The following ORC2 variants were observed in gnomAD, a reference collection of about 807,000 sequenced individuals.
The protein encoded by ORC2 is origin recognition complex protein 2 homolog.
ORC2 carries 37 observed loss-of-function variants against 77.7 expected under a neutral mutation model. The observed-to-expected ratio is 0.48, with a 90% CI of 0.37 to 0.63. The LOEUF (loss-of-function observed/expected upper bound fraction) is 0.63. Ranked by LOEUF, ORC2 falls within the 20% of genes least tolerant of loss-of-function variation. ORC2 has a pLI of 0.00. For synonymous variants in ORC2, 201 were observed against 229.5 expected (o/e 0.88, Z 1.12); for missense variants, 557 against 661.9 (o/e 0.84, Z 1.74).
chr2:200,957,548 TAAG>T lies in ORC2; in HGVS notation c.95-7_95-5del. The T allele has an allele frequency of 6.3e-7, 1 of 1,582,818 alleles. No homozygotes were observed. Among genetic ancestry groups the T allele is most frequent in the East Asian group, 2.3e-5 (1 of 43,764 alleles). ...CGCTCCTTCTTCAATTTAGCTCCTATAAGAACATCCAAAGAAATAGAGCATGAC... is the reference window on the plus strand; with the variant it reads ...CGCTCCTTCTTCAATTTAGCTCCTATAACATCCAAAGAAATAGAGCATGAC... On this transcript the variant is annotated splice_polypyrimidine_tract_variant and splice_region_variant and intron_variant, in intron 3 of 17. Coordinates refer to ENST00000234296, the MANE Select transcript of ORC2 (RefSeq NM_006190.5).
At chr2:200,932,468 T>C (rs1234199975) in intron 10 of ORC2, among the ~76,000 whole-genome samples, 1 of 151,324 alleles carries the variant, frequency 6.6e-6, no homozygotes, top group Non-Finnish European at 1.5e-5. Flanking sequence ...GCCTCCTGAG[T>C]AGCTGGGAGT....
chr2:200,955,898 T>A (rs1191321640), intron 4 of ORC2, among the ~76,000 whole-genome samples: 1 of 152,234 alleles, frequency 6.6e-6, no homozygotes, highest in Non-Finnish European at 1.5e-5. Context: ...AGAATAATCT[T>A]GCAGGAATCT....
intron 4 of ORC2, among the ~76,000 whole-genome samples, chr2:200,951,312 G>C (rs1030715276): frequency 6.6e-6 from 1 of 152,218 alleles, no homozygotes; most frequent in African/African-American, 2.4e-5. Context: ...CATTGTGAAT[G>C]AAATTGCTAT....
intron 4 of ORC2, among the ~76,000 whole-genome samples, chr2:200,952,933 G>A (rs1198837095): frequency 6.6e-6 from 1 of 151,592 alleles, no homozygotes; most frequent in Non-Finnish European, 1.5e-5. Flanking sequence ...TCAACATGGT[G>A]AGACTCCACC....
chr2:200,946,959 G>C lies in ORC2; in HGVS notation c.328+2595C>G, dbSNP rs572964208. 9.2e-5 allele frequency among the ~76,000 whole-genome samples: 14 copies of C among 152,196 alleles called. No individual in the cohort carries two copies. In the South Asian group the frequency reaches 2.9e-3, roughly 32 times the overall value. On this transcript the variant is annotated intron_variant, in intron 5 of 17. Coordinates refer to ENST00000234296, the MANE Select transcript of ORC2 (RefSeq NM_006190.5). ...TTTCTGTCACCCAGGCTGGAGTGCA[G>C]TGGTGCAATCTTGGCTCACTGCAAC...
intron 5 of ORC2, among the ~76,000 whole-genome samples, chr2:200,944,468 C>T (rs751534343): frequency 5.3e-5 from 8 of 152,222 alleles, no homozygotes; most frequent in East Asian, 1.9e-4. Context: ...CCACCGCGCC[C>T]GGCTAAGATA....
At chr2:200,957,099 C>T (rs1401151662) in intron 4 of ORC2, among the ~76,000 whole-genome samples, 1 of 152,128 alleles carries the variant, frequency 6.6e-6, no homozygotes, top group Admixed American at 6.6e-5. Context: ...GTGCAGCAAA[C>T]CACCATGGCA....
chr2:200,955,556 G>A (rs1411410179), intron 4 of ORC2, among the ~76,000 whole-genome samples: 4 of 152,096 alleles, frequency 2.6e-5, no homozygotes, highest in Non-Finnish European at 5.9e-5. Context: ...ATCTAGAATG[G>A]GAGAACTGAA....
intron 7 of ORC2, among the ~76,000 whole-genome samples, chr2:200,940,051 A>T (rs575689973): frequency 1.6e-4 from 24 of 152,096 alleles, no homozygotes; most frequent in Non-Finnish European, 3.5e-4. Context: ...GACAAAAGTT[A>T]CTCCATCTTG....
Position 200,933,981 on chromosome 2 carries a change from G to C in ORC2, c.709-7C>G. ...ATTCTTCTACTAAGTCACTCTGAAA[G>C]TGAACAGAGTAGTCAGTCCTTAGTA... On this transcript the variant is annotated splice_region_variant and splice_polypyrimidine_tract_variant and intron_variant, in intron 9 of 17. Coordinates refer to ENST00000234296, the MANE Select transcript of ORC2 (RefSeq NM_006190.5). 5 of 1,495,506 alleles carry C rather than the reference G, an allele frequency of 3.3e-6. No individual in the cohort carries two copies. Among genetic ancestry groups the C allele is most frequent in the Non-Finnish European group, 4.6e-6 (5 of 1,076,340 alleles). 92.6% of individuals were successfully genotyped at this position (1,495,506 alleles called of 1,614,324 possible). A position where few individuals can be genotyped will look rare whatever the true frequency, so the allele number is the denominator to read the frequency against.
At chr2:200,911,480 C>T in intron 17 of ORC2, 93 bp from the exon 18 acceptor site, 1 of 658,542 alleles carries the variant, frequency 1.5e-6, no homozygotes, top group Non-Finnish European at 2.6e-6. Context: ...GAATTTATTT[C>T]TTGGATGTAA....
Position 200,931,354 on chromosome 2 carries a change from C to T in ORC2, c.902G>A (p.Trp301Ter). Residue 301 changes from tryptophan (W) to a stop codon, truncating the protein, a stop_gained, in exon 11 of 18, where the codon TGG becomes TAG. Coordinates refer to ENST00000234296, the MANE Select transcript of ORC2 (RefSeq NM_006190.5). LOFTEE classifies it high-confidence loss of function. ...NQQYEKLFHK[W>*]MLQLHLGFNI... is the part of the protein sequence containing the mutation. ...TAATACTTACTGTAATTGCAGCATC[C>T]ATTTATGAAATAATTTTTCATACTG... is the stretch of plus-strand genomic sequence containing the variant. 2.1e-6 allele frequency: 3 copies of T among 1,405,262 alleles called. No individual in the cohort carries two copies. The highest frequency in any genetic ancestry group is 1.3e-5 in the South Asian group (1 of 75,742). The allele number at this position is 1,405,262 out of a possible 1,614,324, so 87.0% of individuals were successfully genotyped here. A position where few individuals can be genotyped will look rare whatever the true frequency, so the allele number is the denominator to read the frequency against.
intron 5 of ORC2, among the ~76,000 whole-genome samples, chr2:200,945,986 ACTC>A (rs767549228): frequency 6.6e-6 from 1 of 151,180 alleles, no homozygotes; most frequent in Non-Finnish European, 1.5e-5. Flanking sequence ...GCCTGACTGA[ACTC>A]CTCACTTTCT....
intron 4 of ORC2, among the ~76,000 whole-genome samples, chr2:200,954,390 T>C (rs1447621292): frequency 6.6e-6 from 1 of 152,168 alleles, no homozygotes. Context: ...CTGTATAAAC[T>C]TTAGGAGGAT....
chr2:200,949,328 A>G (rs1014135098), intron 5 of ORC2, among the ~76,000 whole-genome samples: 1 of 152,168 alleles, frequency 6.6e-6, no homozygotes, highest in African/African-American at 2.4e-5. Flanking sequence ...AGAAGCTTAT[A>G]ATCTAGCTGA....
Position 200,928,699 on chromosome 2 carries a change from A to T in ORC2, c.918-1799T>A, listed in dbSNP as rs766003910. Reference sequence around the variant, plus strand: ...CGTGGTGGCAGGCACCTGTAGTCCCAGCTACTCAGGAGGCTGAGGCAGGAG... The same window carrying T: ...CGTGGTGGCAGGCACCTGTAGTCCCTGCTACTCAGGAGGCTGAGGCAGGAG... On this transcript the variant is annotated intron_variant, in intron 11 of 17. Coordinates refer to ENST00000234296, the MANE Select transcript of ORC2 (RefSeq NM_006190.5). 1.0e-3 allele frequency among the ~76,000 whole-genome samples: 154 copies of T among 151,868 alleles called. 1 individual carries two copies. Among genetic ancestry groups the T allele is most frequent in the Admixed American group, 3.9e-3 (60 of 15,252 alleles).
At chr2:200,934,288 CT>C (rs2040994307) in intron 9 of ORC2, among the ~76,000 whole-genome samples, 1 of 151,770 alleles carries the variant, frequency 6.6e-6, no homozygotes, top group Admixed American at 6.6e-5. Flanking sequence ...ATATCAAGAT[CT>C]TTGTTTCTCC....
rs146369348 is a variant in ORC2 at position 200,935,795 on chromosome 2, T to C, written c.612A>G (p.Ala204=). The part of the protein sequence containing the change: ...VAQEHEEDTN[A]VIFSQKIQAQ... Reference sequence around the variant, plus strand: ...CTTGAATCTTTTGGCTGAATATGACTGCATTAGTGTCCTCTTCATGTTCCT... The same window carrying C: ...CTTGAATCTTTTGGCTGAATATGACCGCATTAGTGTCCTCTTCATGTTCCT... Residue 204 remains alanine, a synonymous_variant, in exon 9 of 18, where the codon GCA becomes GCG. Transcript: ENST00000234296. The C allele has an allele frequency of 2.5e-4, 403 of 1,613,866 alleles. 2 individuals carry two copies. Among genetic ancestry groups the C allele is most frequent in the Non-Finnish European group, 2.4e-4 (285 of 1,179,840 alleles).
rs1296089118 is a variant in ORC2, at chr2:200,910,579, C to A, written c.*722G>T. ...CTCTAGCCTGGCTTCTCACTGGTAT[C>A]ATGAAGGTCATGGCACAGACAATAA... On this transcript the variant is annotated 3_prime_UTR_variant, in exon 18 of 18. Coordinates refer to ENST00000234296, the MANE Select transcript of ORC2 (RefSeq NM_006190.5). The A allele has an allele frequency of 6.6e-6, 1 of 152,182 alleles. No homozygotes were observed. Among genetic ancestry groups the A allele is most frequent in the East Asian group, 1.9e-4 (1 of 5,206 alleles). 9.4% of individuals were successfully genotyped at this position (152,182 alleles called of 1,614,324 possible). A position where few individuals can be genotyped will look rare whatever the true frequency, so the allele number is the denominator to read the frequency against.
Sources: allele counts gnomAD v4.1 joint callset (sites outside exome capture counted in the v4.1 genomes callset), GRCh38; gene constraint gnomAD v4.1.1; transcripts MANE v1.5; gene names NCBI Gene and HGNC (gene_info 2026-07-23, HGNC 2026-07-21).